The following TGFBRAP1 variants were observed in gnomAD, a reference collection of about 807,000 sequenced individuals.
TGFBRAP1 encodes the protein transforming growth factor beta receptor associated protein 1, also known as transforming growth factor-beta receptor-associated protein 1.
Under a neutral mutation model 83.2 loss-of-function variants are expected in TGFBRAP1, and 20 were observed. That is an observed-to-expected ratio of 0.24 (90% CI 0.17 to 0.35). TGFBRAP1 has a LOEUF of 0.35. Ranked by LOEUF, TGFBRAP1 falls within the 10% of genes least tolerant of loss-of-function variation. The probability of loss-of-function intolerance (pLI) is 1.00; values close to 1 mark genes in which losing one functional copy is unlikely to be tolerated. For synonymous variants in TGFBRAP1, 415 were observed against 459.8 expected (o/e 0.90, Z 1.25); for missense variants, 950 against 1,099.4 (o/e 0.86, Z 1.92).
Position 105,265,874 on chromosome 2 carries a change from A to G in TGFBRAP1, c.*1509T>C, listed in dbSNP as rs186252525. On this transcript the variant is annotated 3_prime_UTR_variant, in exon 12 of 12. Coordinates refer to ENST00000393359, the MANE Select transcript of TGFBRAP1 (RefSeq NM_004257.6). ...AAAATACATGGACCAATATTAGTTC[A>G]CGAAACATGTTTTAAAGAACAGAGA... The G allele has an allele frequency of 8.5e-5, 13 of 152,338 alleles. No homozygotes were observed. The East Asian group carries it at 2.5e-3, about 29-fold the overall frequency. The allele number at this position is 152,338 out of a possible 1,614,324, so 9.4% of individuals were successfully genotyped here.
At chr2:105,268,415 G>C (rs1326307958) in intron 11 of TGFBRAP1, among the ~76,000 whole-genome samples, 3 of 152,166 alleles carry the variant, frequency 2.0e-5, no homozygotes, top group Admixed American at 6.5e-5. Context: ...TACTTAAGAG[G>C]TATGAGATGG....
chr2:105,308,847 T>C (rs1189176721), intron 1 of TGFBRAP1, among the ~76,000 whole-genome samples: 5 of 152,066 alleles, frequency 3.3e-5, no homozygotes, highest in South Asian at 2.1e-4. Flanking sequence ...TACTTGAATA[T>C]GCACTTTAGT....
chr2:105,316,848 C>G (rs1264575091), intron 1 of TGFBRAP1, among the ~76,000 whole-genome samples: 1 of 151,424 alleles, frequency 6.6e-6, no homozygotes, highest in African/African-American at 2.4e-5. Context: ...CAGAAAGGGC[C>G]AGAAAAAGTT....
At position 105,267,240 on chromosome 2, in the gene TGFBRAP1, G is replaced by A. The variant is rs1676972726; in HGVS notation, c.*143C>T. 9.4e-7 allele frequency: 1 copy of A among 1,063,878 alleles called. No homozygotes were observed. Among genetic ancestry groups the A allele is most frequent in the Non-Finnish European group, 1.3e-6 (1 of 754,392 alleles). The allele number at this position is 1,063,878 out of a possible 1,614,324, so 65.9% of individuals were successfully genotyped here. ...GCCTGGTCAGCAGCGAGGAGTCCTT[G>A]TTGCGTATGGACGGAAGGCTCCCTG... On this transcript the variant is annotated 3_prime_UTR_variant, in exon 12 of 12. Transcript: ENST00000393359.
chr2:105,292,735 G>C (rs560416812), intron 4 of TGFBRAP1, among the ~76,000 whole-genome samples: 5 of 152,228 alleles, frequency 3.3e-5, no homozygotes, highest in African/African-American at 1.2e-4. Flanking sequence ...AGTGAACAGA[G>C]TGAAGGAGAG....
chr2:105,293,456 A>C (rs1677981563), intron 4 of TGFBRAP1, among the ~76,000 whole-genome samples: 1 of 152,178 alleles, frequency 6.6e-6, no homozygotes, highest in Non-Finnish European at 1.5e-5. Flanking sequence ...TTGCTAATTC[A>C]GAACTCAGAG....
chr2:105,276,490 C>T (rs181147371), intron 7 of TGFBRAP1, among the ~76,000 whole-genome samples: 21 of 152,272 alleles, frequency 1.4e-4, no homozygotes, highest in Admixed American at 1.2e-3. Flanking sequence ...TGTCAGCATA[C>T]GAACATTTTT....
chr2:105,301,166 G>A (rs1678277156), intron 2 of TGFBRAP1, among the ~76,000 whole-genome samples: 1 of 152,152 alleles, frequency 6.6e-6, no homozygotes, highest in Non-Finnish European at 1.5e-5. Context: ...AGGTTGCAGT[G>A]AACTGAGATT....
At chr2:105,303,666 G>C (rs1211632225) in intron 2 of TGFBRAP1, among the ~76,000 whole-genome samples, 1 of 152,188 alleles carries the variant, frequency 6.6e-6, no homozygotes, top group Non-Finnish European at 1.5e-5. Flanking sequence ...GGCAGTAACT[G>C]TCAACAGCTG....
intron 2 of TGFBRAP1, among the ~76,000 whole-genome samples, 171 bp from the exon 3 acceptor site, chr2:105,298,876 C>T (rs1197175128): frequency 1.3e-5 from 2 of 152,200 alleles, no homozygotes; most frequent in East Asian, 1.9e-4. Flanking sequence ...AAGAGCCCTA[C>T]AGGAATTTAT....
chr2:105,292,146 T>C, intron 4 of TGFBRAP1, among the ~76,000 whole-genome samples: 1 of 152,104 alleles, frequency 6.6e-6, no homozygotes, highest in Non-Finnish European at 1.5e-5. Flanking sequence ...AAAACCAAAA[T>C]GACTGGAAAG....
intron 1 of TGFBRAP1, among the ~76,000 whole-genome samples, chr2:105,316,462 T>TGTGTGTGTGTGTGTGTGTGCGCGC (rs1177329674): frequency 2.4e-5 from 2 of 84,816 alleles, no homozygotes; most frequent in African/African-American, 1.1e-4. Context: ...TGTGTGTGTG[T>TGTGTGTGTGTGTGTGTGTGCGCGC]GCGCGCGCGC....
chr2:105,305,613 T>C lies in TGFBRAP1; in HGVS notation c.688+2001A>G, dbSNP rs190589267. ...GAGAGAAAATGTTATGGACATGACATTGAAAATACTTAGTGAGCTACCTCA... is the reference window on the plus strand; with the variant it reads ...GAGAGAAAATGTTATGGACATGACACTGAAAATACTTAGTGAGCTACCTCA... On this transcript the variant is annotated intron_variant, in intron 2 of 11. Coordinates refer to ENST00000393359, the MANE Select transcript of TGFBRAP1 (RefSeq NM_004257.6). 1.1e-3 allele frequency among the ~76,000 whole-genome samples: 161 copies of C among 152,322 alleles called. 2 individuals carry two copies. The Middle Eastern group carries it at 0.034, about 32-fold the overall frequency.
At chr2:105,259,064 C>G in the TGFBRAP1 span, among the ~76,000 whole-genome samples, 2 of 152,238 alleles carry the variant, frequency 1.3e-5, no homozygotes, top group African/African-American at 4.8e-5. Context: ...TTACAGGAGG[C>G]TCTCAAGTTT....
chr2:105,260,780 A>T (rs1308780047), downstream of TGFBRAP1, among the ~76,000 whole-genome samples: 1 of 152,252 alleles, frequency 6.6e-6, no homozygotes, highest in Non-Finnish European at 1.5e-5. Flanking sequence ...AATAAAAAAA[A>T]TACTATGAAA....
intron 6 of TGFBRAP1, among the ~76,000 whole-genome samples, chr2:105,278,989 C>T (rs1285742134): frequency 6.6e-6 from 1 of 152,010 alleles, no homozygotes; most frequent in African/African-American, 2.4e-5. Context: ...ACAGTGACCC[C>T]AGGGTCTCTG....
intron 10 of TGFBRAP1, among the ~76,000 whole-genome samples, chr2:105,270,943 A>G (rs535935321): frequency 4.1e-4 from 63 of 152,338 alleles, no homozygotes; most frequent in African/African-American, 1.4e-3. Context: ...CTAGACTGAC[A>G]TTTCCCCAAG....
At position 105,326,996 on chromosome 2, in the gene TGFBRAP1, G is replaced by A. The variant is rs190752025; in HGVS notation, c.-18+2629C>T. The stretch of plus-strand genomic sequence containing the variant: ...TTTATTTTTTTAAATAAAGAAAAAC[G>A]AGTCAGGTTTGCTACAGAGATGAGT... On this transcript the variant is annotated intron_variant, in intron 1 of 11. Transcript: ENST00000393359. Among the ~76,000 whole-genome samples the A allele has an allele frequency of 1.6e-3, 248 of 152,164 alleles. No individual in the cohort carries two copies. The South Asian group carries it at 0.019, about 12-fold the overall frequency.
the TGFBRAP1 span, among the ~76,000 whole-genome samples, chr2:105,254,922 C>T: frequency 6.6e-6 from 1 of 152,140 alleles, no homozygotes; most frequent in African/African-American, 2.4e-5. Flanking sequence ...AGGAAGAGAG[C>T]CCTCTCCAGG....
Sources: gnomAD v4.1 joint callset for allele counts (sites outside exome capture counted in the v4.1 genomes callset) on GRCh38, gnomAD v4.1.1 for gene constraint, MANE v1.5 for transcripts, NCBI Gene and HGNC (gene_info 2026-07-23, HGNC 2026-07-21) for gene names.